VPS37A: variants seen among roughly 807,000 people sequenced by gnomAD.
VPS37A encodes VPS37A subunit of ESCRT-I.
VPS37A carries 30 observed loss-of-function variants against 49.8 expected under a neutral mutation model. The ratio of observed to expected loss-of-function variants is 0.60; its 90% CI spans 0.45 to 0.82. The LOEUF is 0.82. Ranked by LOEUF, VPS37A falls within the 40% of genes least tolerant of loss-of-function variation. The pLI is 0.00. For synonymous variants in VPS37A, 195 were observed against 160.6 expected, an observed-to-expected ratio of 1.21 and a Z score of -1.62; for missense variants, 593 against 464.4, an observed-to-expected ratio of 1.28 and a Z score of -2.55.
the VPS37A span, among the ~76,000 whole-genome samples, chr8:17,312,690 G>C: frequency 6.6e-6 from 1 of 151,524 alleles, no homozygotes; most frequent in Admixed American, 6.6e-5. Flanking sequence ...ATCTAGAATA[G>C]TACCTGGCAC....
At chr8:17,262,137 G>C (rs191226261) in intron 1 of VPS37A, among the ~76,000 whole-genome samples, 19 of 152,202 alleles carry the variant, frequency 1.2e-4, no homozygotes, top group African/African-American at 4.3e-4. Flanking sequence ...CACAGGTATG[G>C]AAGTCCGATT....
At chr8:17,302,678 A>T (rs1231135121), downstream of VPS37A, among the ~76,000 whole-genome samples, 2 of 136,600 alleles carry the variant, frequency 1.5e-5, no homozygotes, top group African/African-American at 2.6e-5. Context: ...ACGACCACTA[A>T]AAGTTGACAT....
At chr8:17,269,367 C>A (rs904217153) in intron 4 of VPS37A, among the ~76,000 whole-genome samples, 3 of 152,062 alleles carry the variant, frequency 2.0e-5, no homozygotes, top group Non-Finnish European at 2.9e-5. Context: ...AAGTATGTTA[C>A]CATGTTTACA....
chr8:17,259,590 A>T (rs1812791460), intron 1 of VPS37A, among the ~76,000 whole-genome samples: 1 of 152,124 alleles, frequency 6.6e-6, no homozygotes, highest in Non-Finnish European at 1.5e-5. Flanking sequence ...TAGGCCTATT[A>T]GGTCCAAAGT....
At chr8:17,311,116 C>T in the VPS37A span, among the ~76,000 whole-genome samples, 1 of 152,146 alleles carries the variant, frequency 6.6e-6, no homozygotes, top group Non-Finnish European at 1.5e-5. Flanking sequence ...GGACTTTTGG[C>T]ATACACAATA....
the VPS37A span, chr8:17,331,276 C>A: frequency 3.7e-6 from 6 of 1,604,350 alleles, no homozygotes; most frequent in Non-Finnish European, 5.1e-6. Context: ...TTTGCCATTG[C>A]ATTAAGCTGC....
chr8:17,298,205 T>G (rs1248365307), downstream of VPS37A: 2 of 152,076 alleles, frequency 1.3e-5, no homozygotes. Flanking sequence ...TACCACTATA[T>G]CCTAAGTTTT....
At chr8:17,309,886 T>C in the VPS37A span, among the ~76,000 whole-genome samples, 3 of 152,256 alleles carry the variant, frequency 2.0e-5, no homozygotes, top group Admixed American at 1.3e-4. Context: ...TTGGGGTATA[T>C]TCAAAGCTTC....
chr8:17,247,981 T>A, intron 1 of VPS37A: 1 of 562,588 alleles, frequency 1.8e-6, no homozygotes, highest in East Asian at 3.1e-5. Flanking sequence ...GTCCCCACGC[T>A]CAAGAATTAC....
At chr8:17,315,058 TGA>T in the VPS37A span, among the ~76,000 whole-genome samples, 1 of 152,240 alleles carries the variant, frequency 6.6e-6, no homozygotes, top group South Asian at 2.1e-4. Flanking sequence ...AGCCGTGGGC[TGA>T]GAGTTCCCAA....
intron 1 of VPS37A, among the ~76,000 whole-genome samples, chr8:17,248,822 T>G (rs1446017716): frequency 6.6e-6 from 1 of 152,214 alleles, no homozygotes. Context: ...TTATGCTGTT[T>G]AACAGAAAAG....
At chr8:17,311,713 G>C in the VPS37A span, 2 of 1,597,830 alleles carry the variant, frequency 1.3e-6, no homozygotes, top group South Asian at 2.2e-5. Flanking sequence ...AGCCAGGTTT[G>C]ACTGTATATT....
chr8:17,247,875 GTCT>G (rs1318210020), intron 1 of VPS37A: 8 of 656,448 alleles, frequency 1.2e-5, no homozygotes, highest in Admixed American at 2.2e-5. Context: ...CACGTAGTCA[GTCT>G]TCTTGAGTCT....
At chr8:17,329,767 G>T in the VPS37A span, among the ~76,000 whole-genome samples, 1 of 152,172 alleles carries the variant, frequency 6.6e-6, no homozygotes, top group Non-Finnish European at 1.5e-5. Context: ...GTTTGTAGCA[G>T]GAACAGCCAA....
intron 1 of VPS37A, among the ~76,000 whole-genome samples, chr8:17,257,183 A>G (rs765318524): frequency 9.2e-5 from 14 of 152,086 alleles, no homozygotes; most frequent in Admixed American, 2.6e-4. Context: ...TGAAAACATC[A>G]TCCTTTCTCC....
the VPS37A span, among the ~76,000 whole-genome samples, chr8:17,332,985 C>A: frequency 6.6e-6 from 1 of 151,840 alleles, no homozygotes. Flanking sequence ...ATACCGAGAG[C>A]ATATATGAAG....
downstream of VPS37A, chr8:17,305,816 A>G (rs1442159562): frequency 6.2e-7 from 1 of 1,613,776 alleles, no homozygotes; most frequent in Non-Finnish European, 8.5e-7. Flanking sequence ...GGCAGGAATA[A>G]ATGTGATGTT....
chr8:17,284,952 T>C (rs1815446521), intron 10 of VPS37A, among the ~76,000 whole-genome samples: 1 of 152,118 alleles, frequency 6.6e-6, no homozygotes, highest in South Asian at 2.1e-4. Context: ...GGCCTGTACG[T>C]GTGGCTATTT....
the VPS37A span, among the ~76,000 whole-genome samples, chr8:17,323,455 A>T: frequency 1.3e-5 from 2 of 152,112 alleles, no homozygotes; most frequent in Non-Finnish European, 2.9e-5. Flanking sequence ...CTAAAATCTA[A>T]CAGGGAACTC....
Sources: allele counts gnomAD v4.1 joint callset (sites outside exome capture counted in the v4.1 genomes callset), GRCh38; gene constraint gnomAD v4.1.1; transcripts MANE v1.5; gene names NCBI Gene and HGNC (gene_info 2026-07-23, HGNC 2026-07-21).